Variants in TPO observed in about 807,000 individuals in gnomAD.
The protein encoded by TPO is thyroid microsomal antigen.
In TPO, 78 loss-of-function variants were observed where a neutral mutation model predicts 96.9. The ratio of observed to expected loss-of-function variants is 0.81; its 90% CI spans 0.67 to 0.97. The LOEUF is 0.97. TPO is among the 50% of genes least tolerant of loss of function. The pLI, the probability that TPO is intolerant of heterozygous loss-of-function variation, is 0.00. For missense variants in TPO, 1,252 were observed against 1,274.8 expected (o/e 0.98, Z 0.27); for synonymous variants, 547 against 538.0 (o/e 1.02, Z -0.23).
At chr2:1,523,988 CT>C (rs1207994565) in intron 15 of TPO, among the ~76,000 whole-genome samples, 6 of 113,286 alleles carry the variant, frequency 5.3e-5, no homozygotes, top group African/African-American at 2.1e-4. Context: ...CAAATCCCCC[CT>C]ACTCTCTGCA....
intron 8 of TPO, among the ~76,000 whole-genome samples, chr2:1,483,280 TG>T (rs1236499557): frequency 1.2e-4 from 18 of 152,224 alleles, no homozygotes; most frequent in South Asian, 2.1e-4. Flanking sequence ...GTTCTCTGCC[TG>T]TGCTTGCTGC....
At chr2:1,478,423 G>A in intron 8 of TPO, 1 of 983,262 alleles carries the variant, frequency 1.0e-6, no homozygotes, top group Non-Finnish European at 1.2e-6. Flanking sequence ...CGTCAGTCCT[G>A]TTCTAAAGGA....
At chr2:1,510,635 G>C (rs916065384) in intron 14 of TPO, among the ~76,000 whole-genome samples, 3 of 152,176 alleles carry the variant, frequency 2.0e-5, no homozygotes, top group African/African-American at 7.2e-5. Context: ...ACCCAAAGAT[G>C]TGTTGGTGCC....
intron 7 of TPO, among the ~76,000 whole-genome samples, chr2:1,474,764 G>C (rs764011346): frequency 6.6e-6 from 1 of 152,180 alleles, no homozygotes; most frequent in Non-Finnish European, 1.5e-5. Context: ...CTGCATGCCT[G>C]AGCCCTGCTC....
intron 3 of TPO, among the ~76,000 whole-genome samples, chr2:1,430,609 C>G (rs1353634835): frequency 4.6e-5 from 7 of 152,224 alleles, no homozygotes; most frequent in Admixed American, 4.6e-4. Context: ...GAAAAAGCCT[C>G]AAGTGCTCAA....
intron 1 of TPO, among the ~76,000 whole-genome samples, chr2:1,384,392 A>G (rs1266290711): frequency 2.0e-5 from 3 of 152,104 alleles, no homozygotes; most frequent in Admixed American, 1.3e-4. Flanking sequence ...TTCATTGAGC[A>G]GTGGTTTGTA....
At chr2:1,383,958 C>T (rs1049475631) in intron 1 of TPO, among the ~76,000 whole-genome samples, 5 of 152,144 alleles carry the variant, frequency 3.3e-5, no homozygotes, top group African/African-American at 1.2e-4. Flanking sequence ...TTCCCAGCAC[C>T]GTTTGTTAAA....
At chr2:1,408,148 A>G (rs547456945) in intron 1 of TPO, among the ~76,000 whole-genome samples, 7 of 152,348 alleles carry the variant, frequency 4.6e-5, no homozygotes, top group African/African-American at 1.4e-4. Flanking sequence ...TCGAGCACAC[A>G]GATATTCAGG....
chr2:1,538,962 C>T (rs1219566906), intron 15 of TPO, among the ~76,000 whole-genome samples: 4 of 152,122 alleles, frequency 2.6e-5, no homozygotes, highest in African/African-American at 7.2e-5. Flanking sequence ...TGTCTTTACC[C>T]GGCCTTCTCC....
intron 15 of TPO, among the ~76,000 whole-genome samples, chr2:1,537,649 C>G (rs1211532620): frequency 1.5e-5 from 2 of 136,798 alleles, no homozygotes; most frequent in African/African-American, 5.6e-5. Context: ...CAGATCCCCC[C>G]CAATGTGTGC....
chr2:1,542,390 C>T (rs536441207), intron 16 of TPO, 31 bp from the exon 17 acceptor site: 37 of 1,613,502 alleles, frequency 2.3e-5, no homozygotes, highest in Admixed American at 6.7e-5. Context: ...AGAATTCAGA[C>T]GTTATTAATG....
intron 1 of TPO, among the ~76,000 whole-genome samples, chr2:1,390,805 T>A (rs1161132872): frequency 6.6e-6 from 1 of 152,254 alleles, no homozygotes; most frequent in Admixed American, 6.5e-5. Context: ...CATCTTTTCA[T>A]GTGTCTGTTG....
intron 15 of TPO, among the ~76,000 whole-genome samples, chr2:1,519,348 C>G (rs1296808059): frequency 6.6e-6 from 1 of 152,222 alleles, no homozygotes; most frequent in Non-Finnish European, 1.5e-5. Flanking sequence ...CAAGACCTGT[C>G]TGGTGCTGGA....
At chr2:1,426,365 A>G (rs148541596) in intron 3 of TPO, among the ~76,000 whole-genome samples, 1,468 of 141,840 alleles carry the variant, frequency 0.01, 42 homozygotes, top group African/African-American at 0.037. Context: ...TGCTCCTTCC[A>G]TAAAGTCATT....
intron 7 of TPO, among the ~76,000 whole-genome samples, chr2:1,465,621 G>A (rs1244628558): frequency 6.6e-6 from 1 of 152,018 alleles, no homozygotes; most frequent in Admixed American, 6.5e-5. Flanking sequence ...CATCTCCTTG[G>A]TTAGGTATAT....
intron 2 of TPO, among the ~76,000 whole-genome samples, chr2:1,422,125 C>T (rs989321412): frequency 7.9e-5 from 12 of 152,260 alleles, no homozygotes; most frequent in Non-Finnish European, 1.6e-4. Context: ...AAGAGAGATC[C>T]AGCACGGAGG....
intron 14 of TPO, chr2:1,512,337 T>G: frequency 2.1e-6 from 2 of 952,784 alleles, no homozygotes; most frequent in Non-Finnish European, 2.5e-6. Context: ...CTCCCAGTGC[T>G]ACCTCTTTGC....
chr2:1,540,499 C>A (rs1258482362), intron 15 of TPO, 95 bp from the exon 16 acceptor site: 1 of 1,598,824 alleles, frequency 6.3e-7, no homozygotes, highest in Non-Finnish European at 8.5e-7. Flanking sequence ...CAAAGACAAG[C>A]ACGGCTGCCT....
rs759089422 is a variant in TPO, at chr2:1,456,287, GT to G, written c.819+9del. The G allele has an allele frequency of 6.2e-6, 10 of 1,613,932 alleles. No homozygotes were observed. The highest frequency in any genetic ancestry group is 8.5e-6 in the Non-Finnish European group (10 of 1,179,868). On this transcript the variant is annotated splice_donor_region_variant and intron_variant, in intron 7 of 16. Coordinates refer to ENST00000329066, the MANE Select transcript of TPO (RefSeq NM_001206744.2). The stretch of plus-strand genomic sequence containing the variant: ...AACCCATGTTTTCCCATACAAGTAA[GT>G]TTTAGAAAACGTTTCTATGTTTGTT...
Sources: gnomAD v4.1 joint callset for allele counts (sites outside exome capture counted in the v4.1 genomes callset) on GRCh38, gnomAD v4.1.1 for gene constraint, MANE v1.5 for transcripts, NCBI Gene and HGNC (gene_info 2026-07-23, HGNC 2026-07-21) for gene names.